TLN2: variants seen among roughly 807,000 people sequenced by gnomAD.
TLN2 encodes the protein talin-2.
Under a neutral mutation model 294.7 loss-of-function variants are expected in TLN2, and 118 were observed. The ratio of observed to expected loss-of-function variants is 0.40; its 90% CI spans 0.34 to 0.47. The LOEUF is 0.47. Ranked by LOEUF, TLN2 falls within the 20% of genes least tolerant of loss-of-function variation. The pLI is 0.84. For missense variants in TLN2, 3,083 were observed against 3,282.2 expected, an observed-to-expected ratio of 0.94 and a Z score of 1.48; for synonymous variants, 1,431 against 1,304.5, an observed-to-expected ratio of 1.10 and a Z score of -2.09.
At chr15:62,664,818 C>T (rs2054351996) in intron 9 of TLN2, among the ~76,000 whole-genome samples, 1 of 125,564 alleles carries the variant, frequency 8.0e-6, no homozygotes. Flanking sequence ...AGATATGCAT[C>T]ATTGTACTCC....
intron 9 of TLN2, among the ~76,000 whole-genome samples, chr15:62,665,975 C>T (rs2054589253): frequency 6.6e-6 from 1 of 152,202 alleles, no homozygotes; most frequent in Non-Finnish European, 1.5e-5. Flanking sequence ...CTCCTATCCT[C>T]TCAGTATTGG....
At chr15:62,420,602 T>C (rs2034333788) in intron 1 of TLN2, among the ~76,000 whole-genome samples, 1 of 152,198 alleles carries the variant, frequency 6.6e-6, no homozygotes, top group Non-Finnish European at 1.5e-5. Flanking sequence ...AGGCCAGGTC[T>C]CACTAACAAC....
intron 11 of TLN2, among the ~76,000 whole-genome samples, chr15:62,686,208 A>G (rs2057274163): frequency 6.6e-6 from 1 of 152,258 alleles, no homozygotes; most frequent in Non-Finnish European, 1.5e-5. Context: ...GTGTCTCCTC[A>G]TAATGAGAAG....
intron 32 of TLN2, among the ~76,000 whole-genome samples, chr15:62,747,182 T>G (rs1016959746): frequency 6.6e-6 from 1 of 152,196 alleles, no homozygotes. Context: ...TCAGACAAAT[T>G]AAACAGCGGC....
chr15:62,482,915 CTTG>C (rs1345327470), intron 1 of TLN2, among the ~76,000 whole-genome samples: 3 of 152,274 alleles, frequency 2.0e-5, no homozygotes, highest in African/African-American at 7.2e-5. Flanking sequence ...CCCTCCTGTT[CTTG>C]TTGTATCCAC....
chr15:62,582,205 C>CACACACACACACACACAA (rs2045127353), intron 1 of TLN2, among the ~76,000 whole-genome samples: 1 of 109,608 alleles, frequency 9.1e-6, no homozygotes, highest in African/African-American at 3.3e-5. Flanking sequence ...TACACACACA[C>CACACACACACACACACAA]ACACACACAC....
intron 1 of TLN2, among the ~76,000 whole-genome samples, chr15:62,565,633 C>A (rs954095155): frequency 1.3e-5 from 2 of 152,168 alleles, no homozygotes; most frequent in Admixed American, 1.3e-4. Flanking sequence ...TAGGCAAACG[C>A]TTTAAACTTC....
intron 1 of TLN2, among the ~76,000 whole-genome samples, chr15:62,561,886 G>C (rs2119696): frequency 0.49 from 74,659 of 151,426 alleles, 19,520 homozygotes; most frequent in African/African-American, 0.68. Flanking sequence ...ATTTTAACAT[G>C]CTCTCCTCAC....
intron 1 of TLN2, among the ~76,000 whole-genome samples, chr15:62,494,647 T>G (rs938042872): frequency 1.3e-5 from 2 of 152,212 alleles, no homozygotes; most frequent in African/African-American, 4.8e-5. Context: ...AAAATCTCTG[T>G]TCATATTTCT....
chr15:62,809,729 A>C lies in TLN2; in HGVS notation c.6664-196A>C, dbSNP rs141413999. 9.0e-4 allele frequency among the ~76,000 whole-genome samples: 137 copies of C among 152,350 alleles called. 1 individual carries two copies. The highest frequency in any genetic ancestry group is 3.2e-3 in the African/African-American group (134 of 41,576). ...CCCAGGGCACTAACAAAGTCTGCACACAGACTGCATCAGAGGGCCTGCTGT... is the reference window on the plus strand; with the variant it reads ...CCCAGGGCACTAACAAAGTCTGCACCCAGACTGCATCAGAGGGCCTGCTGT... On this transcript the variant is annotated intron_variant, in intron 51 of 58. Coordinates refer to ENST00000636159, the MANE Select transcript of TLN2 (RefSeq NM_015059.3).
rs913992418 is a variant in TLN2 at position 62,716,937 on chromosome 15, A to G, written c.2763+478A>G. On this transcript the variant is annotated intron_variant, in intron 23 of 58. Coordinates refer to ENST00000636159, the MANE Select transcript of TLN2 (RefSeq NM_015059.3). ...GTTGAAATAGTAATAGGCAAAAACT[A>G]TGTTTTTTTTTTTTTTAAAAAGTTT... 3.9e-5 allele frequency among the ~76,000 whole-genome samples: 3 copies of G among 76,106 alleles called. No individual in the cohort carries two copies. The Admixed American group carries it at 5.8e-4, about 15-fold the overall frequency. The allele number at this position is 76,106 out of a possible 152,430, so 49.9% of individuals were successfully genotyped here.
intron 1 of TLN2, among the ~76,000 whole-genome samples, chr15:62,399,485 GCA>G (rs1363039710): frequency 6.6e-6 from 1 of 152,098 alleles, no homozygotes; most frequent in Non-Finnish European, 1.5e-5. Flanking sequence ...CCAACAGCTT[GCA>G]CCACATACCT....
rs529282815 is a variant in TLN2 at position 62,800,600 on chromosome 15, G to A, written c.6361-53G>A. 3.9e-5 allele frequency: 63 copies of A among 1,610,824 alleles called. No homozygotes were observed. In the Middle Eastern group the frequency reaches 6.6e-4, roughly 17 times the overall value. ...TGCGATCCAGAAGTAAAAGGAGTAG[G>A]GGCTGGACCTGAGTCACTGCACTAT... On this transcript the variant is annotated intron_variant, in intron 49 of 58. Transcript: ENST00000636159.
At chr15:62,504,844 TGTGAGA>T (rs1388486427) in intron 1 of TLN2, among the ~76,000 whole-genome samples, 168 of 142,124 alleles carry the variant, frequency 1.2e-3, no homozygotes, top group African/African-American at 3.7e-3. Flanking sequence ...TGTGTGTGTG[TGTGAGA>T]GAGAGAGAGA....
intron 1 of TLN2, among the ~76,000 whole-genome samples, chr15:62,562,065 C>G (rs1195711818): frequency 6.6e-6 from 1 of 152,268 alleles, no homozygotes; most frequent in African/African-American, 2.4e-5. Flanking sequence ...TGTCCATCTT[C>G]AAATTCGCGA....
At chr15:62,544,752 C>G (rs2041895943) in intron 1 of TLN2, among the ~76,000 whole-genome samples, 1 of 149,736 alleles carries the variant, frequency 6.7e-6, no homozygotes, top group Non-Finnish European at 1.5e-5. Context: ...TTCCCCCCCT[C>G]TAATCACAGC....
chr15:62,410,830 A>G (rs1208472109), intron 1 of TLN2, among the ~76,000 whole-genome samples: 1 of 152,226 alleles, frequency 6.6e-6, no homozygotes. Context: ...GTGATAAGGT[A>G]GCGTAAGTGG....
intron 1 of TLN2, among the ~76,000 whole-genome samples, chr15:62,547,945 A>G (rs923925260): frequency 6.6e-6 from 1 of 152,164 alleles, no homozygotes. Flanking sequence ...TCTAAATCGC[A>G]TTTTGCATCT....
In TLN2 at chr15:62,809,962, G is replaced by A. The variant is rs868716216; in HGVS notation, c.6701G>A (p.Arg2234Lys). ...SFHPDVSDEV[R>K]TRALRFGTEC... is the part of the protein sequence containing the mutation. ...CACCCCGATGTCAGTGACGAGGTGAGAACCAGAGCCTTGCGTTTCGGGACG... is the reference window on the plus strand; with the variant it reads ...CACCCCGATGTCAGTGACGAGGTGAAAACCAGAGCCTTGCGTTTCGGGACG... The change falls in exon 52 of 59, where the codon AGA becomes AAA. Residue 2234 changes from arginine to lysine, a missense_variant. Arg to Lys is a conservative substitution (Grantham distance 26). Coordinates refer to ENST00000636159, the MANE Select transcript of TLN2 (RefSeq NM_015059.3). 1.5e-5 allele frequency: 25 copies of A among 1,614,134 alleles called. No individual in the cohort carries two copies. Among genetic ancestry groups the A allele is most frequent in the Non-Finnish European group, 1.9e-5 (23 of 1,180,042 alleles).
Sources: allele counts gnomAD v4.1 joint callset (sites outside exome capture counted in the v4.1 genomes callset), GRCh38; gene constraint gnomAD v4.1.1; transcripts MANE v1.5; gene names NCBI Gene and HGNC (gene_info 2026-07-23, HGNC 2026-07-21).